Variants in FHIT observed in about 807,000 individuals in gnomAD.
The protein encoded by FHIT is bis(5'-adenosyl)-triphosphatase.
Under a neutral mutation model 17.9 loss-of-function variants are expected in FHIT, and 19 were observed. The ratio of observed to expected loss-of-function variants is 1.06; its 90% CI spans 0.74 to 1.56. FHIT has a LOEUF of 1.56. FHIT is among the 40% of genes most tolerant of loss of function. FHIT has a pLI of 0.00. For synonymous variants in FHIT, 81 were observed against 69.7 expected (o/e 1.16, Z -0.81); for missense variants, 248 against 189.2 (o/e 1.31, Z -1.82).
intron 8 of FHIT, among the ~76,000 whole-genome samples, chr3:59,803,328 C>G (rs1403580357): frequency 6.6e-6 from 1 of 152,156 alleles, no homozygotes; most frequent in African/African-American, 2.4e-5. Context: ...ACCTTACAGG[C>G]GAGCACGGGG....
At chr3:61,217,447 T>C (rs1313916836) in intron 1 of FHIT, among the ~76,000 whole-genome samples, 1 of 152,202 alleles carries the variant, frequency 6.6e-6, no homozygotes, top group Non-Finnish European at 1.5e-5. Context: ...ATGTGGCCTC[T>C]CCATGTGGCT....
intron 4 of FHIT, among the ~76,000 whole-genome samples, chr3:60,766,831 C>T (rs1939452852): frequency 6.6e-6 from 1 of 152,164 alleles, no homozygotes; most frequent in Non-Finnish European, 1.5e-5. Context: ...CAGAGATAAG[C>T]AAGACAAGAT....
At chr3:60,649,772 T>C (rs1367842399) in intron 4 of FHIT, among the ~76,000 whole-genome samples, 1 of 152,158 alleles carries the variant, frequency 6.6e-6, no homozygotes, top group Non-Finnish European at 1.5e-5. Flanking sequence ...TGTTATAAAA[T>C]AGTCAGGTAT....
At chr3:60,368,129 C>T (rs1700183912) in intron 5 of FHIT, among the ~76,000 whole-genome samples, 1 of 148,460 alleles carries the variant, frequency 6.7e-6, no homozygotes, top group African/African-American at 2.5e-5. Context: ...TCTGTGGATA[C>T]ATACTTTCCT....
At chr3:60,933,628 A>G (rs1708063625) in intron 3 of FHIT, among the ~76,000 whole-genome samples, 1 of 152,180 alleles carries the variant, frequency 6.6e-6, no homozygotes, top group African/African-American at 2.4e-5. Context: ...CTCCTTTTTT[A>G]CCATTACCAT....
At chr3:61,012,718 A>C (rs967465743) in intron 3 of FHIT, among the ~76,000 whole-genome samples, 5 of 151,474 alleles carry the variant, frequency 3.3e-5, no homozygotes, top group Admixed American at 1.3e-4. Context: ...AATATAAGAA[A>C]TACATATTTT....
chr3:60,895,679 T>C lies in FHIT; in HGVS notation c.-110-73668A>G, dbSNP rs578107857. 4.4e-5 allele frequency among the ~76,000 whole-genome samples: 3 copies of C among 68,940 alleles called. No individual in the cohort carries two copies. In the South Asian group the frequency reaches 1.2e-3, roughly 28 times the overall value. 45.2% of individuals were successfully genotyped at this position (68,940 alleles called of 152,430 possible). The stretch of plus-strand genomic sequence containing the variant: ...CTTCCTTCCTTCCTTTCTTTCTTTC[T>C]TTCTTTCTTTCTTTCTTTCTTTCTT... On this transcript the variant is annotated intron_variant, in intron 3 of 9. Transcript: ENST00000492590.
chr3:60,751,831 T>C (rs2042472330), intron 4 of FHIT, among the ~76,000 whole-genome samples: 1 of 152,216 alleles, frequency 6.6e-6, no homozygotes, highest in African/African-American at 2.4e-5. Flanking sequence ...GCTTATTCAT[T>C]GTTTTTTTAT....
intron 5 of FHIT, among the ~76,000 whole-genome samples, chr3:60,097,714 A>T (rs533343162): frequency 1.5e-4 from 23 of 149,740 alleles, no homozygotes; most frequent in South Asian, 4.3e-4. Flanking sequence ...CTTTTTTTTA[A>T]AATTTTATTA....
intron 7 of FHIT, among the ~76,000 whole-genome samples, chr3:59,971,389 C>T (rs1481138782): frequency 6.6e-6 from 1 of 151,970 alleles, no homozygotes; most frequent in East Asian, 1.9e-4. Context: ...CCATTGTGTC[C>T]AGAGACTGAG....
chr3:61,121,286 T>C (rs1559998295), intron 2 of FHIT, among the ~76,000 whole-genome samples: 1 of 152,004 alleles, frequency 6.6e-6, no homozygotes, highest in Non-Finnish European at 1.5e-5. Context: ...CCAAGACACA[T>C]AATCGTCAGA....
intron 8 of FHIT, among the ~76,000 whole-genome samples, chr3:59,788,178 C>G (rs1699394348): frequency 6.6e-6 from 1 of 152,200 alleles, no homozygotes; most frequent in African/African-American, 2.4e-5. Flanking sequence ...CCCATCATTT[C>G]TCCTGGGCTT....
chr3:60,942,130 C>A (rs1708437762), intron 3 of FHIT, among the ~76,000 whole-genome samples: 1 of 152,102 alleles, frequency 6.6e-6, no homozygotes, highest in South Asian at 2.1e-4. Flanking sequence ...TTATAGGTGC[C>A]CACAGCCATG....
chr3:60,013,923 C>G (rs1462556851), intron 6 of FHIT, 84 bp downstream of exon 6: 1 of 1,381,690 alleles, frequency 7.2e-7, no homozygotes, highest in African/African-American at 1.4e-5. Context: ...CATCTGCCCT[C>G]CTGGTAAGAT....
chr3:59,763,046 C>G (rs1035880625), intron 8 of FHIT, among the ~76,000 whole-genome samples: 5 of 152,154 alleles, frequency 3.3e-5, no homozygotes, highest in African/African-American at 7.2e-5. Flanking sequence ...TTTTTCCCCC[C>G]CGCCGGTGTT....
chr3:59,940,576 T>TA (rs1202906924), intron 7 of FHIT, among the ~76,000 whole-genome samples: 1 of 152,106 alleles, frequency 6.6e-6, no homozygotes, highest in African/African-American at 2.4e-5. Flanking sequence ...CCCACTGGGG[T>TA]ACAAATCCTT....
chr3:59,926,874 G>C (rs968851828), intron 7 of FHIT, among the ~76,000 whole-genome samples: 1 of 152,130 alleles, frequency 6.6e-6, no homozygotes, highest in Non-Finnish European at 1.5e-5. Flanking sequence ...TACACTACTG[G>C]GGATGTAAAA....
intron 1 of FHIT, among the ~76,000 whole-genome samples, chr3:61,204,272 G>A (rs1192154563): frequency 6.6e-6 from 1 of 152,170 alleles, no homozygotes; most frequent in African/African-American, 2.4e-5. Context: ...TACGTGAGAG[G>A]AATGGGGGGG....
intron 4 of FHIT, among the ~76,000 whole-genome samples, chr3:60,677,190 C>A (rs191104271): frequency 2.6e-5 from 4 of 152,120 alleles, no homozygotes; most frequent in South Asian, 4.2e-4. Flanking sequence ...TTTTTAATTA[C>A]GTAAATTAAA....
Sources: allele counts gnomAD v4.1 joint callset (sites outside exome capture counted in the v4.1 genomes callset), GRCh38; gene constraint gnomAD v4.1.1; transcripts MANE v1.5; gene names NCBI Gene and HGNC (gene_info 2026-07-23, HGNC 2026-07-21).